The following DOCK3 variants were observed in gnomAD, a reference collection of about 807,000 sequenced individuals.
The protein encoded by DOCK3 is dedicator of cytokinesis protein 3.
A neutral mutation model predicts 265.6 loss-of-function variants in DOCK3; 60 were observed. The observed-to-expected ratio is 0.23, with a 90% confidence interval of 0.18 to 0.28. DOCK3 has a LOEUF of 0.28. DOCK3 is among the 10% of genes least tolerant of loss of function. DOCK3 has a pLI of 1.00. For synonymous variants in DOCK3, 881 were observed against 938.0 expected (o/e 0.94, Z 1.11); for missense variants, 1,981 against 2,594.3 (o/e 0.76, Z 5.14).
chr3:51,016,717 TATA>T lies in DOCK3; in HGVS notation c.316-47727_316-47725del, dbSNP rs1357228657. ...TATATAAATATATATTATATATCAA[TATA>T]ATATATATGATACATATTATATATA... is the stretch of plus-strand genomic sequence containing the variant. On this transcript the variant is annotated intron_variant, in intron 5 of 52. Coordinates refer to ENST00000266037, the MANE Select transcript of DOCK3 (RefSeq NM_004947.5). Among the ~76,000 whole-genome samples the T allele has an allele frequency of 3.3e-4, 22 of 66,798 alleles. 10 individuals carry two copies. The South Asian group carries it at 8.8e-3, about 27-fold the overall frequency. 43.8% of individuals were successfully genotyped at this position (66,798 alleles called of 152,430 possible). A position where few individuals can be genotyped will look rare whatever the true frequency, so the allele number is the denominator to read the frequency against.
intron 9 of DOCK3, among the ~76,000 whole-genome samples, chr3:51,142,375 C>T (rs1304963708): frequency 6.6e-6 from 1 of 152,130 alleles, no homozygotes; most frequent in Non-Finnish European, 1.5e-5. Flanking sequence ...AAAAAGTTCC[C>T]TCATGTACCT....
chr3:50,941,166 T>G (rs1187786439), intron 5 of DOCK3, among the ~76,000 whole-genome samples: 14 of 152,096 alleles, frequency 9.2e-5, no homozygotes, highest in Non-Finnish European at 4.4e-5. Flanking sequence ...ATTTGAAAAT[T>G]ATATATCCAT....
intron 1 of DOCK3, among the ~76,000 whole-genome samples, chr3:50,750,750 G>A (rs1272560144): frequency 1.3e-5 from 2 of 152,300 alleles, no homozygotes; most frequent in East Asian, 3.9e-4. Flanking sequence ...CCAGTTTTGT[G>A]TGCTTTAAGC....
intron 27 of DOCK3, among the ~76,000 whole-genome samples, chr3:51,287,834 T>G (rs1288481865): frequency 6.6e-6 from 1 of 152,206 alleles, no homozygotes; most frequent in Non-Finnish European, 1.5e-5. Context: ...CATGCACATG[T>G]ATGTGTTCAT....
Position 51,275,218 on chromosome 3 carries a change from A to G in DOCK3, c.2676+12A>G. ...AGACCAGCTCTCTGGTAGTGGCCCC[A>G]CACCCACTCCACCCTGTTCAGCTCT... is the stretch of plus-strand genomic sequence containing the variant. On this transcript the variant is annotated intron_variant, in intron 25 of 52. Coordinates refer to ENST00000266037, the MANE Select transcript of DOCK3 (RefSeq NM_004947.5). 2 of 1,613,676 alleles carry G rather than the reference A, an allele frequency of 1.2e-6. No homozygotes were observed. Among genetic ancestry groups the G allele is most frequent in the East Asian group, 2.2e-5 (1 of 44,862 alleles).
intron 5 of DOCK3, among the ~76,000 whole-genome samples, chr3:50,964,956 C>T (rs972428054): frequency 1.4e-4 from 22 of 152,014 alleles, no homozygotes; most frequent in African/African-American, 4.8e-4. Context: ...GATTTCTATA[C>T]CCACTGAATT....
chr3:50,696,717 A>T (rs532535614), intron 1 of DOCK3, among the ~76,000 whole-genome samples: 2 of 152,066 alleles, frequency 1.3e-5, no homozygotes, highest in East Asian at 1.9e-4. Flanking sequence ...CATTTTGAAG[A>T]TCTGTTAAGT....
chr3:51,380,165 G>T lies in DOCK3; in HGVS notation c.5541G>T (p.Leu1847=). The T allele has an allele frequency of 6.2e-7, 1 of 1,613,662 alleles. No individual in the cohort carries two copies. Residue 1847 remains leucine (L), a synonymous_variant, in exon 52 of 53, where the codon CTG becomes CTT. Coordinates refer to ENST00000266037, the MANE Select transcript of DOCK3 (RefSeq NM_004947.5). ...ACTTTGACGCCTTCCACCACCCTCT[G>T]GGTGATACCCCCCCAGCCCTCCCTG... ...SLHFDAFHHP[L]GDTPPALPAR... is the part of the protein sequence containing the mutation.
intron 1 of DOCK3, among the ~76,000 whole-genome samples, chr3:50,766,284 C>T (rs1222634328): frequency 7.5e-6 from 1 of 132,460 alleles, no homozygotes; most frequent in Non-Finnish European, 1.6e-5. Flanking sequence ...CCCCCCACCC[C>T]ACAACAGGCC....
At chr3:50,798,341 G>T (rs1318246875) in intron 2 of DOCK3, among the ~76,000 whole-genome samples, 4 of 152,176 alleles carry the variant, frequency 2.6e-5, no homozygotes, top group East Asian at 3.8e-4. Context: ...CCCATGATCT[G>T]CAGAGTTATG....
intron 14 of DOCK3, among the ~76,000 whole-genome samples, chr3:51,214,848 C>T (rs1221418476): frequency 6.6e-6 from 1 of 152,182 alleles, no homozygotes; most frequent in Admixed American, 6.5e-5. Flanking sequence ...TGCATTGACC[C>T]TCAACTGTGG....
chr3:51,345,134 G>T (rs555890321), intron 38 of DOCK3, among the ~76,000 whole-genome samples: 1 of 152,292 alleles, frequency 6.6e-6, no homozygotes, highest in Admixed American at 6.5e-5. Flanking sequence ...AACTTAGCTA[G>T]CCCCCATGAA....
chr3:51,084,537 A>G (rs1285754050), intron 7 of DOCK3, among the ~76,000 whole-genome samples: 2 of 152,174 alleles, frequency 1.3e-5, no homozygotes, highest in African/African-American at 4.8e-5. Flanking sequence ...AAATCTTTCT[A>G]GACAAGCAAA....
chr3:50,681,437 TA>T (rs1284029865), intron 1 of DOCK3, among the ~76,000 whole-genome samples: 1 of 152,220 alleles, frequency 6.6e-6, no homozygotes, highest in Non-Finnish European at 1.5e-5. Flanking sequence ...TTGGGTATGC[TA>T]TATTAGGATT....
chr3:50,837,705 T>G (rs1209280501), intron 2 of DOCK3, among the ~76,000 whole-genome samples: 2 of 152,140 alleles, frequency 1.3e-5, no homozygotes, highest in Admixed American at 1.3e-4. Context: ...GGAGATGGCC[T>G]TTCTGAGAAG....
chr3:51,088,143 G>A (rs1322585006), intron 7 of DOCK3, among the ~76,000 whole-genome samples: 6 of 152,118 alleles, frequency 3.9e-5, no homozygotes, highest in South Asian at 4.2e-4. Context: ...GAAATAAGCC[G>A]GGCACAGAAA....
chr3:50,725,579 G>A (rs994531225), intron 1 of DOCK3, among the ~76,000 whole-genome samples: 2 of 152,100 alleles, frequency 1.3e-5, no homozygotes, highest in Non-Finnish European at 2.9e-5. Flanking sequence ...CCAAGTGAAT[G>A]CTTAATGAAG....
At chr3:50,776,108 G>T (rs2041581110) in intron 1 of DOCK3, among the ~76,000 whole-genome samples, 1 of 152,118 alleles carries the variant, frequency 6.6e-6, no homozygotes, top group South Asian at 2.1e-4. Flanking sequence ...ATACCCAGTA[G>T]TGGGATTGCT....
chr3:50,961,652 TAA>T (rs1428245152), intron 5 of DOCK3, among the ~76,000 whole-genome samples: 1 of 152,170 alleles, frequency 6.6e-6, no homozygotes, highest in Admixed American at 6.5e-5. Context: ...GTAAATGAGA[TAA>T]GAGGACTTTA....
Sources: gnomAD v4.1 joint callset for allele counts (sites outside exome capture counted in the v4.1 genomes callset) on GRCh38, gnomAD v4.1.1 for gene constraint, MANE v1.5 for transcripts, NCBI Gene and HGNC (gene_info 2026-07-23, HGNC 2026-07-21) for gene names.